SLAIN2: variants seen among roughly 807,000 people sequenced by gnomAD.
The protein encoded by SLAIN2 is SLAIN family member 2.
Under a neutral mutation model 56.6 loss-of-function variants are expected in SLAIN2, and 31 were observed. That is an observed-to-expected ratio of 0.55 (90% CI 0.41 to 0.74). The LOEUF is 0.74. SLAIN2 is among the 30% of genes least tolerant of loss of function. SLAIN2 has a pLI of 0.00. For missense variants in SLAIN2, 777 were observed against 754.2 expected, an observed-to-expected ratio of 1.03 and a Z score of -0.35; for synonymous variants, 317 against 284.9, an observed-to-expected ratio of 1.11 and a Z score of -1.13.
chr4:48,361,847 AGT>A (rs1237972204), intron 1 of SLAIN2, among the ~76,000 whole-genome samples: 2 of 152,174 alleles, frequency 1.3e-5, no homozygotes, highest in East Asian at 3.8e-4. Context: ...TTCTCTCAGC[AGT>A]GTTTTGTAGT....
chr4:48,389,139 A>G lies in SLAIN2; in HGVS notation c.1360+5355A>G, dbSNP rs370951876. The stretch of plus-strand genomic sequence containing the variant: ...CATGATTAATATGTGTAATGTGCTA[A>G]TCTAAGAATGAATGAAACATTTATA... On this transcript the variant is annotated intron_variant, in intron 6 of 7. Coordinates refer to ENST00000264313, the MANE Select transcript of SLAIN2 (RefSeq NM_020846.2). 1.3e-4 allele frequency among the ~76,000 whole-genome samples: 20 copies of G among 152,240 alleles called. No homozygotes were observed. The South Asian group carries it at 2.3e-3, about 17-fold the overall frequency.
At chr4:48,375,929 C>T (rs1715798367) in intron 2 of SLAIN2, among the ~76,000 whole-genome samples, 1 of 152,204 alleles carries the variant, frequency 6.6e-6, no homozygotes, top group Non-Finnish European at 1.5e-5. Context: ...AAAGCCTTAC[C>T]CAGTTTCTCT....
At chr4:48,420,025 A>G (rs1466670921) in intron 6 of SLAIN2, 100 bp from the exon 7 acceptor site, 13 of 1,170,294 alleles carry the variant, frequency 1.1e-5, no homozygotes, top group Non-Finnish European at 1.6e-5. Flanking sequence ...TTTCCTGAAT[A>G]CACATGTACT....
chr4:48,394,696 T>A (rs1196429466), intron 6 of SLAIN2: 2 of 1,490,462 alleles, frequency 1.3e-6, no homozygotes, highest in Admixed American at 4.0e-5. Flanking sequence ...CAGCAAATGA[T>A]CTAGTTAAAT....
intron 2 of SLAIN2, among the ~76,000 whole-genome samples, chr4:48,373,673 A>G (rs1715727448): frequency 2.6e-5 from 4 of 152,170 alleles, no homozygotes; most frequent in Admixed American, 2.6e-4. Context: ...TAGTGCTTTG[A>G]GAAATAGGAA....
At chr4:48,349,299 G>A (rs1714949299) in intron 1 of SLAIN2, among the ~76,000 whole-genome samples, 1 of 152,200 alleles carries the variant, frequency 6.6e-6, no homozygotes, top group South Asian at 2.1e-4. Flanking sequence ...TGTAGTAAGA[G>A]TTCAGTGACA....
chr4:48,385,966 G>A (rs1405943920), intron 6 of SLAIN2, among the ~76,000 whole-genome samples: 2 of 149,908 alleles, frequency 1.3e-5, no homozygotes, highest in Admixed American at 1.3e-4. Context: ...AATTACCCAG[G>A]CATGATGGTC....
intron 6 of SLAIN2, 193 bp downstream of exon 6, chr4:48,383,977 G>A (rs758140296): frequency 8.1e-5 from 46 of 567,096 alleles, no homozygotes; most frequent in Non-Finnish European, 1.3e-4. Context: ...TTTCTATGTA[G>A]GATACTTGAT....
chr4:48,382,654 C>G lies in SLAIN2; in HGVS notation c.949C>G (p.Gln317Glu). 1 of 1,613,762 alleles carries G rather than the reference C, an allele frequency of 6.2e-7. No homozygotes were observed. The highest frequency in any genetic ancestry group is 8.5e-7 in the Non-Finnish European group (1 of 1,179,800). ...NSTRRGTFSD[Q>E]ELDAQSLDDE... ...TACAAGACGGGGTACTTTTAGTGAT[C>G]AGGAACTTGATGCACAAAGTTTAGA... is the stretch of plus-strand genomic sequence containing the variant. The change falls in exon 5 of 8, where the codon CAG becomes GAG. Residue 317 changes from glutamine (Q) to glutamate (E), a missense_variant. By Grantham distance (29) the Gln-to-Glu change is conservative (BLOSUM62 2). Coordinates refer to ENST00000264313, the MANE Select transcript of SLAIN2 (RefSeq NM_020846.2).
chr4:48,363,721 A>G (rs1443564298), intron 1 of SLAIN2, among the ~76,000 whole-genome samples: 1 of 105,584 alleles, frequency 9.5e-6, no homozygotes, highest in South Asian at 4.4e-4. Flanking sequence ...CACCTCCCAG[A>G]CGGGGCGGCT....
intron 2 of SLAIN2, among the ~76,000 whole-genome samples, chr4:48,374,103 G>C (rs971966043): frequency 3.9e-5 from 6 of 152,164 alleles, no homozygotes; most frequent in African/African-American, 1.4e-4. Flanking sequence ...GCTCCATGTG[G>C]GATGAAGCAT....
rs748099130 is a variant in SLAIN2, at chr4:48,412,365, TACACACACACAC to T, written c.1361-7720_1361-7709del. 3.4e-3 allele frequency among the ~76,000 whole-genome samples: 379 copies of T among 112,986 alleles called. 10 individuals carry two copies. Among genetic ancestry groups the T allele is most frequent in the African/African-American group, 9.1e-3 (273 of 30,086 alleles). 74.1% of individuals were successfully genotyped at this position (112,986 alleles called of 152,430 possible). A position where few individuals can be genotyped will look rare whatever the true frequency, so the allele number is the denominator to read the frequency against. On this transcript the variant is annotated intron_variant, in intron 6 of 7. Transcript: ENST00000264313. ...TTCCTGTAATGTATGTTTGTATATG[TACACACACACAC>T]ACACACACACACACACACACACACA...
In SLAIN2 at chr4:48,414,567, TTTTA is replaced by T. The variant is rs1286427461; in HGVS notation, c.1361-5555_1361-5552del. ...GGTGTGGTATTTTTTTTTTTTTTTTTTTTATTATACTCTAAGTTTTAGGGTACAT... is the reference window on the plus strand; with the variant it reads ...GGTGTGGTATTTTTTTTTTTTTTTTTTTATACTCTAAGTTTTAGGGTACAT... On this transcript the variant is annotated intron_variant, in intron 6 of 7. Transcript: ENST00000264313. Among the ~76,000 whole-genome samples the T allele has an allele frequency of 4.0e-3, 457 of 114,138 alleles. 2 individuals carry two copies. The highest frequency in any genetic ancestry group is 0.011 in the African/African-American group (389 of 34,050). 74.9% of individuals were successfully genotyped at this position (114,138 alleles called of 152,430 possible).
At chr4:48,370,039 C>G (rs1242303759) in intron 2 of SLAIN2, 42 bp downstream of exon 2, 1 of 1,589,102 alleles carries the variant, frequency 6.3e-7, no homozygotes, top group African/African-American at 1.3e-5. Flanking sequence ...TCTTTGCTTT[C>G]TTTAGTCAAA....
intron 1 of SLAIN2, among the ~76,000 whole-genome samples, chr4:48,363,691 G>A (rs1171776028): frequency 4.4e-4 from 53 of 120,152 alleles, no homozygotes; most frequent in African/African-American, 1.2e-3. Flanking sequence ...CAGTAGGGGC[G>A]GCCGGGCAGA....
chr4:48,355,330 C>T (rs530088712), intron 1 of SLAIN2, among the ~76,000 whole-genome samples: 3 of 152,276 alleles, frequency 2.0e-5, no homozygotes, highest in South Asian at 4.1e-4. Flanking sequence ...TATTCTTATT[C>T]CTGTTCTTGA....
chr4:48,390,114 C>T (rs1468631608), intron 6 of SLAIN2, among the ~76,000 whole-genome samples: 2 of 143,854 alleles, frequency 1.4e-5, no homozygotes, highest in Non-Finnish European at 3.0e-5. Context: ...GACTCTGTCT[C>T]CCAGGCTGGA....
intron 6 of SLAIN2, among the ~76,000 whole-genome samples, chr4:48,394,402 C>T (rs1716323995): frequency 6.6e-6 from 1 of 152,184 alleles, no homozygotes; most frequent in African/African-American, 2.4e-5. Context: ...CAACTTAATG[C>T]ACTAAGCATC....
At chr4:48,395,221 T>C (rs1206377546) in intron 6 of SLAIN2, among the ~76,000 whole-genome samples, 1 of 151,994 alleles carries the variant, frequency 6.6e-6, no homozygotes, top group Non-Finnish European at 1.5e-5. Flanking sequence ...GGCAGCTAGA[T>C]GGAAGTAGAA....
Sources: gnomAD v4.1 joint callset for allele counts (sites outside exome capture counted in the v4.1 genomes callset) on GRCh38, gnomAD v4.1.1 for gene constraint, MANE v1.5 for transcripts, NCBI Gene and HGNC (gene_info 2026-07-23, HGNC 2026-07-21) for gene names.